B3GAT3: variants seen among roughly 807,000 people sequenced by gnomAD.
B3GAT3 encodes the protein beta-1,3-glucuronyltransferase 3.
B3GAT3 carries 19 observed loss-of-function variants against 33.1 expected under a neutral mutation model. That is an observed-to-expected ratio of 0.57 (90% CI 0.40 to 0.84). B3GAT3 has a LOEUF of 0.84. B3GAT3 is among the 40% of genes least tolerant of loss of function. B3GAT3 has a pLI of 0.00. For missense variants in B3GAT3, 344 were observed against 441.5 expected, an observed-to-expected ratio of 0.78 and a Z score of 1.98; for synonymous variants, 167 against 193.5, an observed-to-expected ratio of 0.86 and a Z score of 1.14.
At chr11:62,618,543 T>C (rs1943077969) in intron 2 of B3GAT3, among the ~76,000 whole-genome samples, 1 of 148,562 alleles carries the variant, frequency 6.7e-6, no homozygotes, top group African/African-American at 2.5e-5. Flanking sequence ...GCACCTGTAG[T>C]CCCAGCTACT....
At chr11:62,620,436 CTCA>C in intron 2 of B3GAT3, 58 bp downstream of exon 2, 3 of 1,542,106 alleles carry the variant, frequency 1.9e-6, no homozygotes, top group South Asian at 2.3e-5. Context: ...CCCCAAACTC[CTCA>C]TCATCAACTC....
chr11:62,618,858 T>C (rs1204109097), intron 2 of B3GAT3, among the ~76,000 whole-genome samples: 1 of 149,944 alleles, frequency 6.7e-6, no homozygotes, highest in Non-Finnish European at 1.5e-5. Flanking sequence ...TGGCGCATGC[T>C]TGTAACCCCA....
intron 2 of B3GAT3, among the ~76,000 whole-genome samples, chr11:62,617,718 A>C (rs1425330677): frequency 1.3e-5 from 2 of 151,838 alleles, no homozygotes; most frequent in Non-Finnish European, 2.9e-5. Context: ...CTACTAAAAA[A>C]ATACAAAAAT....
At chr11:62,617,451 C>T in intron 2 of B3GAT3, 104 bp from the exon 3 acceptor site, 1 of 1,499,512 alleles carries the variant, frequency 6.7e-7, no homozygotes, top group Admixed American at 1.8e-5. Flanking sequence ...TCTCCTGTGG[C>T]CCTTCCCAAC....
In B3GAT3 at chr11:62,615,561, T is replaced by C. The variant is rs1590772607; in HGVS notation, c.*140A>G. The C allele has an allele frequency of 7.0e-7, 1 of 1,436,904 alleles. No homozygotes were observed. 89.0% of individuals were successfully genotyped at this position (1,436,904 alleles called of 1,614,324 possible). A position where few individuals can be genotyped will look rare whatever the true frequency, so the allele number is the denominator to read the frequency against. Reference sequence around the variant, plus strand: ...GGGGAGGGGTGAAGCAGCAGGACCATGCCCTGGGCCTGGAGGGGCAGAGGG... The same window carrying C: ...GGGGAGGGGTGAAGCAGCAGGACCACGCCCTGGGCCTGGAGGGGCAGAGGG... On this transcript the variant is annotated 3_prime_UTR_variant, in exon 5 of 5. Transcript: ENST00000265471.
At chr11:62,616,333 G>A (rs2134427875) in intron 4 of B3GAT3, 173 bp downstream of exon 4, 1 of 940,850 alleles carries the variant, frequency 1.1e-6, no homozygotes, top group Non-Finnish European at 1.6e-6. Context: ...AGTGGCAGGA[G>A]ACCACTTTCC....
chr11:62,616,617 C>CTTA lies in B3GAT3; in HGVS notation c.795_797dup (p.Asp265_Lys266insAsn). ...CGGTGGAATCAAATTGGGCATTGGG[C>CTTA]TTATCTAACAGCAAGGGCAGGGCCA... On this transcript the variant is annotated inframe_insertion, in exon 4 of 5. Transcript: ENST00000265471. 2 of 1,614,202 alleles carry CTTA rather than the reference C, an allele frequency of 1.2e-6. No individual in the cohort carries two copies. Among genetic ancestry groups the CTTA allele is most frequent in the Non-Finnish European group, 1.7e-6 (2 of 1,180,040 alleles).
intron 2 of B3GAT3, among the ~76,000 whole-genome samples, chr11:62,619,550 CT>C (rs1196636653): frequency 7.6e-4 from 111 of 146,424 alleles, no homozygotes; most frequent in Admixed American, 8.9e-4. Flanking sequence ...GCACTTTCAA[CT>C]TTTTTTTTTT....
intron 2 of B3GAT3, among the ~76,000 whole-genome samples, chr11:62,619,959 T>C (rs1943113965): frequency 6.6e-6 from 1 of 152,216 alleles, no homozygotes; most frequent in Non-Finnish European, 1.5e-5. Context: ...TGTTCTATCT[T>C]ATAATTTGGT....
Position 62,617,152 on chromosome 11 carries a change from G to A in B3GAT3, c.453C>T (p.Gly151=), listed in dbSNP as rs1209907608. 2.5e-6 allele frequency: 4 copies of A among 1,614,040 alleles called. No individual in the cohort carries two copies. Among genetic ancestry groups the A allele is most frequent in the Non-Finnish European group, 3.4e-6 (4 of 1,180,002 alleles). Residue 151 remains glycine, a synonymous_variant, in exon 3 of 5, where the codon GGC becomes GGT. Transcript: ENST00000265471. ...GCTCGACACCACGGGGATGAACCCA[G>A]CCAGGCTCGCCCTCCCGAAGCCGCT... ...KAQRLREGEP[G]WVHPRGVEQR... is the part of the protein sequence containing the mutation.
chr11:62,620,494 T>C lies in B3GAT3; in HGVS notation c.257+3A>G, dbSNP rs1943123983. On this transcript the variant is annotated splice_donor_region_variant and intron_variant, in intron 2 of 4. Transcript: ENST00000265471. ...GACCTCTTGAGTGCACCAGAGCCCA[T>C]ACCTGGCATAGGTGGGGGTAACAAC... is the stretch of plus-strand genomic sequence containing the variant. 1.2e-6 allele frequency: 2 copies of C among 1,611,644 alleles called. No individual in the cohort carries two copies. Among genetic ancestry groups the C allele is most frequent in the South Asian group, 1.1e-5 (1 of 90,804 alleles).
chr11:62,619,699 C>CTTT (rs5792264), intron 2 of B3GAT3, among the ~76,000 whole-genome samples: 11 of 85,712 alleles, frequency 1.3e-4, no homozygotes, highest in African/African-American at 5.4e-4. Flanking sequence ...GCCTAGCTAA[C>CTTT]TTTTTTTTTT....
chr11:62,621,262 T>C (rs1435502328), intron 1 of B3GAT3: 1 of 456,570 alleles, frequency 2.2e-6, no homozygotes, highest in Non-Finnish European at 4.4e-6. Flanking sequence ...CCTGCCCTCA[T>C]CGAGCTTTCT....
intron 4 of B3GAT3, 118 bp downstream of exon 4, chr11:62,616,388 A>T: frequency 7.0e-7 from 1 of 1,438,196 alleles, no homozygotes; most frequent in Non-Finnish European, 9.7e-7. Flanking sequence ...AGCAAGGCTG[A>T]TCAGAGATCT....
At chr11:62,615,959 C>T in intron 4 of B3GAT3, 160 bp from the exon 5 acceptor site, 1 of 1,501,914 alleles carries the variant, frequency 6.7e-7, no homozygotes, top group East Asian at 2.5e-5. Context: ...TAAAACCGGG[C>T]CTTGGCCGGG....
intron 4 of B3GAT3, chr11:62,616,266 C>T: frequency 1.7e-6 from 1 of 603,226 alleles, no homozygotes; most frequent in Non-Finnish European, 2.9e-6. Flanking sequence ...AAACAACAAA[C>T]AGGGCCTTAT....
intron 2 of B3GAT3, among the ~76,000 whole-genome samples, chr11:62,618,177 C>CAAAAAAAAAAAAA: frequency 2.2e-5 from 1 of 46,276 alleles, no homozygotes; most frequent in Non-Finnish European, 3.6e-5. Context: ...AACTCTGTCT[C>CAAAAAAAAAAAAA]AAAAAAAAAA....
Position 62,615,557 on chromosome 11 carries a change from A to T in B3GAT3, c.*144T>A. 1 of 1,421,568 alleles carries T rather than the reference A, an allele frequency of 7.0e-7. No individual in the cohort carries two copies. Among genetic ancestry groups the T allele is most frequent in the Non-Finnish European group, 9.5e-7 (1 of 1,051,610 alleles). The allele number at this position is 1,421,568 out of a possible 1,614,324, so 88.1% of individuals were successfully genotyped here. A position where few individuals can be genotyped will look rare whatever the true frequency, so the allele number is the denominator to read the frequency against. ...GCTAGGGGAGGGGTGAAGCAGCAGG[A>T]CCATGCCCTGGGCCTGGAGGGGCAG... On this transcript the variant is annotated 3_prime_UTR_variant, in exon 5 of 5. Transcript: ENST00000265471.
chr11:62,620,472 C>T (rs754039167), intron 2 of B3GAT3, 25 bp downstream of exon 2: 1 of 1,609,376 alleles, frequency 6.2e-7, no homozygotes, highest in Non-Finnish European at 8.5e-7. Flanking sequence ...CAACGCAGAC[C>T]TCTTGAGTGC....
Sources: allele counts gnomAD v4.1 joint callset (sites outside exome capture counted in the v4.1 genomes callset), GRCh38; gene constraint gnomAD v4.1.1; transcripts MANE v1.5; gene names NCBI Gene and HGNC (gene_info 2026-07-23, HGNC 2026-07-21).